Variants in ADAMTS17 observed in about 807,000 individuals in gnomAD.
The protein encoded by ADAMTS17 is ADAM metallopeptidase with thrombospondin type 1 motif 17.
A neutral mutation model predicts 141.5 loss-of-function variants in ADAMTS17; 113 were observed. The observed-to-expected ratio is 0.80, with a 90% CI of 0.69 to 0.93. The LOEUF is 0.93. Among genes scored for constraint, ADAMTS17 ranks in the 40% least tolerant of loss-of-function variants. ADAMTS17 has a pLI of 0.00. For synonymous variants in ADAMTS17, 768 were observed against 630.6 expected, an observed-to-expected ratio of 1.22 and a Z score of -3.27; for missense variants, 1,659 against 1,517.9, an observed-to-expected ratio of 1.09 and a Z score of -1.54.
rs189702378 is a variant in ADAMTS17, at chr15:99,971,650, G to A, written c.*2752C>T. 8 of 152,088 alleles carry A rather than the reference G, an allele frequency of 5.3e-5. No individual in the cohort carries two copies. The highest frequency in any genetic ancestry group is 3.9e-4 in the East Asian group (2 of 5,190). 9.4% of individuals were successfully genotyped at this position (152,088 alleles called of 1,614,324 possible). On this transcript the variant is annotated 3_prime_UTR_variant, in exon 22 of 22. Transcript: ENST00000268070. Reference sequence around the variant, plus strand: ...AAATAGATACATTTGACTCTGAAACGAAAAAAGGACAATCGTATTGCCATA... The same window carrying A: ...AAATAGATACATTTGACTCTGAAACAAAAAAAGGACAATCGTATTGCCATA...
intron 13 of ADAMTS17, among the ~76,000 whole-genome samples, chr15:100,116,541 G>A (rs528804706): frequency 4.5e-4 from 68 of 152,364 alleles, no homozygotes; most frequent in African/African-American, 1.5e-3. Context: ...GCTCGTCCTG[G>A]GTCCCTCCAC....
chr15:100,025,977 G>A (rs1284642224), intron 18 of ADAMTS17, among the ~76,000 whole-genome samples: 1 of 152,042 alleles, frequency 6.6e-6, no homozygotes, highest in Non-Finnish European at 1.5e-5. Context: ...TAAGTATACA[G>A]CTTGATGAAA....
chr15:100,157,294 C>T (rs866461265), intron 8 of ADAMTS17, among the ~76,000 whole-genome samples: 3 of 152,138 alleles, frequency 2.0e-5, no homozygotes, highest in African/African-American at 7.2e-5. Flanking sequence ...TTGGCAGACA[C>T]CCGTCCTCAA....
chr15:100,246,722 T>C (rs1031833185), intron 7 of ADAMTS17, among the ~76,000 whole-genome samples: 1 of 152,186 alleles, frequency 6.6e-6, no homozygotes, highest in African/African-American at 2.4e-5. Context: ...ACTTTTTTTT[T>C]ATTGTATTTT....
chr15:100,301,250 T>C (rs1173407165), intron 3 of ADAMTS17, among the ~76,000 whole-genome samples: 1 of 152,148 alleles, frequency 6.6e-6, no homozygotes, highest in Non-Finnish European at 1.5e-5. Flanking sequence ...TTTATATTTA[T>C]TGTAAAAGTT....
At chr15:100,325,282 T>C (rs1470062387) in intron 3 of ADAMTS17, among the ~76,000 whole-genome samples, 1 of 152,206 alleles carries the variant, frequency 6.6e-6, no homozygotes, top group African/African-American at 2.4e-5. Flanking sequence ...GATTCCTATG[T>C]TGAAGTCCTA....
At chr15:100,206,001 C>T (rs1172213012) in intron 7 of ADAMTS17, among the ~76,000 whole-genome samples, 2 of 152,194 alleles carry the variant, frequency 1.3e-5, no homozygotes, top group Admixed American at 1.3e-4. Context: ...CTGCTCCTCC[C>T]TCTGGGTCAC....
At chr15:100,215,609 G>C (rs1029030175) in intron 7 of ADAMTS17, among the ~76,000 whole-genome samples, 7 of 152,078 alleles carry the variant, frequency 4.6e-5, no homozygotes, top group African/African-American at 1.7e-4. Flanking sequence ...GATAGTCAGG[G>C]AAGTCTAGGG....
chr15:99,982,083 G>A (rs748817313), intron 20 of ADAMTS17, among the ~76,000 whole-genome samples: 5 of 152,136 alleles, frequency 3.3e-5, no homozygotes, highest in African/African-American at 9.7e-5. Context: ...TGCAGCATGA[G>A]GATAACAAAC....
At chr15:100,019,411 G>T (rs1486839542) in intron 18 of ADAMTS17, among the ~76,000 whole-genome samples, 1 of 152,114 alleles carries the variant, frequency 6.6e-6, no homozygotes, top group Non-Finnish European at 1.5e-5. Flanking sequence ...GTTAAAACTG[G>T]GAAGTGGAGA....
rs934355581 is a variant in ADAMTS17 at position 100,071,120 on chromosome 15, G to A, written c.2138-17066C>T. ...TCAGAGATACCATAAACACCTCTATGCAAATAAACTAGAAAATCTAGAAGA... is the reference window on the plus strand; with the variant it reads ...TCAGAGATACCATAAACACCTCTATACAAATAAACTAGAAAATCTAGAAGA... On this transcript the variant is annotated intron_variant, in intron 15 of 21. Transcript: ENST00000268070. Among the ~76,000 whole-genome samples, 8 of 150,392 alleles carry A rather than the reference G, an allele frequency of 5.3e-5. 2 individuals carry two copies. The highest frequency in any genetic ancestry group is 2.0e-4 in the African/African-American group (8 of 40,678).
intron 8 of ADAMTS17, among the ~76,000 whole-genome samples, chr15:100,191,774 T>C (rs907070466): frequency 2.6e-5 from 4 of 152,102 alleles, no homozygotes; most frequent in East Asian, 1.9e-4. Context: ...CTGCTTTTAT[T>C]TGTGTGAGAG....
chr15:100,168,650 A>AC (rs2040042342), intron 8 of ADAMTS17: 1 of 152,216 alleles, frequency 6.6e-6, no homozygotes, highest in Non-Finnish European at 1.5e-5. Flanking sequence ...GCAATTCCTC[A>AC]GTTTTAGGGA....
intron 8 of ADAMTS17, among the ~76,000 whole-genome samples, chr15:100,179,986 C>T (rs963012815): frequency 6.6e-6 from 1 of 152,142 alleles, no homozygotes; most frequent in East Asian, 1.9e-4. Flanking sequence ...TGTCTCTTCA[C>T]TTTGCTGGTT....
chr15:100,306,391 A>G, intron 3 of ADAMTS17: 1 of 436,016 alleles, frequency 2.3e-6, no homozygotes, highest in Non-Finnish European at 4.6e-6. Context: ...CCTGGTGGCC[A>G]TAGAAGAAGT....
rs768353351 is a variant in ADAMTS17, at chr15:100,263,759, T to C, written c.790-1324A>G. Among the ~76,000 whole-genome samples, 6 of 152,262 alleles carry C rather than the reference T, an allele frequency of 3.9e-5. 1 individual carries two copies. The highest frequency in any genetic ancestry group is 8.8e-5 in the Non-Finnish European group (6 of 68,048). ...AAGAATGAGAATCTTTTAAATATTCTACTTGGTTTTTACCTATAGACATAA... is the reference window on the plus strand; with the variant it reads ...AAGAATGAGAATCTTTTAAATATTCCACTTGGTTTTTACCTATAGACATAA... On this transcript the variant is annotated intron_variant, in intron 4 of 21. Coordinates refer to ENST00000268070, the MANE Select transcript of ADAMTS17 (RefSeq NM_139057.4).
intron 4 of ADAMTS17, among the ~76,000 whole-genome samples, chr15:100,280,316 C>A (rs1331152992): frequency 2.6e-5 from 4 of 152,120 alleles, no homozygotes; most frequent in African/African-American, 7.2e-5. Context: ...GACTCTCCAA[C>A]CCCCACATCC....
At chr15:100,001,031 T>TA (rs543420075) in intron 18 of ADAMTS17, among the ~76,000 whole-genome samples, 242 of 152,284 alleles carry the variant, frequency 1.6e-3, no homozygotes, top group African/African-American at 5.6e-3. Context: ...CTGGGGGCTA[T>TA]GGTCAAGAAA....
intron 3 of ADAMTS17, among the ~76,000 whole-genome samples, chr15:100,295,699 C>T (rs892979304): frequency 1.3e-5 from 2 of 152,166 alleles, no homozygotes; most frequent in African/African-American, 2.4e-5. Flanking sequence ...CCTCTTTGCT[C>T]GTGCAGACAC....
Sources: gnomAD v4.1 joint callset for allele counts (sites outside exome capture counted in the v4.1 genomes callset) on GRCh38, gnomAD v4.1.1 for gene constraint, MANE v1.5 for transcripts, NCBI Gene and HGNC (gene_info 2026-07-23, HGNC 2026-07-21) for gene names.